VKORC1L1: variants seen among roughly 807,000 people sequenced by gnomAD.
The protein encoded by VKORC1L1 is vitamin K epoxide reductase complex subunit 1-like protein 1.
Under a neutral mutation model 18.9 loss-of-function variants are expected in VKORC1L1, and 2 were observed. That is an observed-to-expected ratio of 0.11 (90% CI 0.04 to 0.33). The LOEUF (loss-of-function observed/expected upper bound fraction) is 0.33. Among genes scored for constraint, VKORC1L1 ranks in the 10% least tolerant of loss-of-function variants. The probability of loss-of-function intolerance (pLI) is 1.00; values close to 1 mark genes in which losing one functional copy is unlikely to be tolerated. For synonymous variants in VKORC1L1, 96 were observed against 100.0 expected (o/e 0.96, Z 0.24); for missense variants, 123 against 224.1 (o/e 0.55, Z 2.88).
chr7:65,907,995 G>GATC (rs1789433904), intron 1 of VKORC1L1, among the ~76,000 whole-genome samples: 1 of 152,136 alleles, frequency 6.6e-6, no homozygotes, highest in Non-Finnish European at 1.5e-5. Context: ...AAACAAGCAA[G>GATC]CAGTGTGTCA....
rs189059176 is a variant in VKORC1L1, at chr7:65,884,252, T to A, written c.194+10687T>A. On this transcript the variant is annotated intron_variant, in intron 1 of 2. Transcript: ENST00000360768. ...GAAGTGTACCAGTACATGTAAATAG[T>A]CCTGGTGTCTGGCATAAAGGTACTC... Among the ~76,000 whole-genome samples the A allele has an allele frequency of 9.2e-5, 14 of 152,306 alleles. No homozygotes were observed. In the East Asian group the frequency reaches 2.3e-3, roughly 25 times the overall value.
chr7:65,873,381 C>T lies in VKORC1L1; in HGVS notation c.10C>T (p.Pro4Ser). Residue 4 changes from proline (P) to serine (S), a missense_variant, in exon 1 of 3, where the codon CCC becomes TCC. Physicochemically the swap from Pro to Ser is moderately conservative, Grantham distance 74. This residue lies in a region of VKORC1L1 where 60 missense variants were observed against 76.9 expected (regional missense o/e 0.78). Transcript: ENST00000360768. MAA[P>S]VLLRVSVPRW... The stretch of plus-strand genomic sequence containing the variant: ...CGGCGGCGGCGGGAAGATGGCGGCT[C>T]CCGTCCTGCTAAGAGTGTCGGTGCC... 1 of 1,524,712 alleles carries T rather than the reference C, an allele frequency of 6.6e-7. No homozygotes were observed. Among genetic ancestry groups the T allele is most frequent in the South Asian group, 1.2e-5 (1 of 85,710 alleles). The allele number at this position is 1,524,712 out of a possible 1,614,324, so 94.4% of individuals were successfully genotyped here.
intron 1 of VKORC1L1, 35 bp from the exon 2 acceptor site, chr7:65,948,636 C>G (rs1217427551): frequency 2.7e-6 from 2 of 751,034 alleles, no homozygotes; most frequent in Non-Finnish European, 4.1e-6. Flanking sequence ...TAGGGAAATT[C>G]AAATATAGGG....
chr7:65,872,712 AGGT>A (rs909626748), upstream of VKORC1L1, among the ~76,000 whole-genome samples: 2 of 152,146 alleles, frequency 1.3e-5, no homozygotes, highest in African/African-American at 2.4e-5. Context: ...GTCTAACCGA[AGGT>A]GGTGGTGGGA....
chr7:65,883,644 C>T (rs1788964947), intron 1 of VKORC1L1, among the ~76,000 whole-genome samples: 1 of 151,790 alleles, frequency 6.6e-6, no homozygotes, highest in Non-Finnish European at 1.5e-5. Context: ...GGATTACAGG[C>T]ACCTGCCACC....
At chr7:65,913,536 G>A (rs1789536756) in intron 1 of VKORC1L1, among the ~76,000 whole-genome samples, 1 of 151,894 alleles carries the variant, frequency 6.6e-6, no homozygotes, top group African/African-American at 2.4e-5. Flanking sequence ...GACCAGCCTG[G>A]CCAATGTGGT....
chr7:65,905,589 G>A (rs1789393499), intron 1 of VKORC1L1, among the ~76,000 whole-genome samples: 1 of 152,138 alleles, frequency 6.6e-6, no homozygotes, highest in South Asian at 2.1e-4. Context: ...GATTACAGGT[G>A]TGAGCCACTG....
intron 2 of VKORC1L1, among the ~76,000 whole-genome samples, chr7:65,950,790 G>A (rs1390154546): frequency 6.6e-6 from 1 of 152,208 alleles, no homozygotes; most frequent in African/African-American, 2.4e-5. Flanking sequence ...GGTATAATAG[G>A]TATAGGATAA....
chr7:65,871,745 T>C (rs954552729), upstream of VKORC1L1, among the ~76,000 whole-genome samples: 2 of 152,000 alleles, frequency 1.3e-5, no homozygotes, highest in African/African-American at 4.8e-5. Flanking sequence ...GGAAGTGAGT[T>C]TGAAAGAGGA....
intron 1 of VKORC1L1, among the ~76,000 whole-genome samples, chr7:65,920,129 C>T (rs1475558537): frequency 6.6e-6 from 1 of 152,050 alleles, no homozygotes; most frequent in South Asian, 2.1e-4. Flanking sequence ...GACTTGCTTT[C>T]TCACCTCAGC....
chr7:65,942,712 G>A (rs979008705), intron 1 of VKORC1L1, among the ~76,000 whole-genome samples: 6 of 151,840 alleles, frequency 4.0e-5, no homozygotes, highest in African/African-American at 1.4e-4. Flanking sequence ...TTTTAGTAGA[G>A]ACGGGGTTTC....
At position 65,899,936 on chromosome 7, in the gene VKORC1L1, G is replaced by T. The variant is rs545385448; in HGVS notation, c.194+26371G>T. ...AATCGCTTGAACTCAGGCGGCAGAG[G>T]TTGCAGTGACCCAAGATCACGCCAT... On this transcript the variant is annotated intron_variant, in intron 1 of 2. Transcript: ENST00000360768. 4.0e-5 allele frequency among the ~76,000 whole-genome samples: 6 copies of T among 150,482 alleles called. No homozygotes were observed. The East Asian group carries it at 1.2e-3, about 30-fold the overall frequency.
chr7:65,910,899 A>G (rs1789491904), intron 1 of VKORC1L1, among the ~76,000 whole-genome samples: 1 of 152,212 alleles, frequency 6.6e-6, no homozygotes. Flanking sequence ...AAAATGTAGT[A>G]TCTTTCAAAG....
At chr7:65,923,277 CTG>C (rs946532623) in intron 1 of VKORC1L1, among the ~76,000 whole-genome samples, 11 of 151,888 alleles carry the variant, frequency 7.2e-5, no homozygotes, top group Admixed American at 2.0e-4. Flanking sequence ...TGGTGCATGC[CTG>C]TAATTCCAGC....
intron 2 of VKORC1L1, among the ~76,000 whole-genome samples, chr7:65,952,801 T>TG (rs1790234508): frequency 3.7e-5 from 4 of 107,786 alleles, no homozygotes; most frequent in Non-Finnish European, 8.1e-5. Flanking sequence ...TTTTTTTTTT[T>TG]TGAGACAGAG....
intron 1 of VKORC1L1, among the ~76,000 whole-genome samples, chr7:65,896,982 C>T (rs1161259523): frequency 6.6e-6 from 1 of 152,066 alleles, no homozygotes; most frequent in Non-Finnish European, 1.5e-5. Flanking sequence ...CCAGCTGGGG[C>T]AACAGAGCAA....
At chr7:65,916,911 T>C (rs553804862) in intron 1 of VKORC1L1, among the ~76,000 whole-genome samples, 3 of 152,346 alleles carry the variant, frequency 2.0e-5, no homozygotes, top group African/African-American at 7.2e-5. Flanking sequence ...AATATCTTTT[T>C]TTAGGATAAC....
At chr7:65,919,640 C>T (rs1198113698) in intron 1 of VKORC1L1, among the ~76,000 whole-genome samples, 2 of 152,194 alleles carry the variant, frequency 1.3e-5, no homozygotes, top group East Asian at 3.8e-4. Context: ...CCACTGCGGT[C>T]ATCTTGTTCT....
intron 1 of VKORC1L1, among the ~76,000 whole-genome samples, chr7:65,902,707 G>A: frequency 6.6e-6 from 1 of 152,224 alleles, no homozygotes; most frequent in East Asian, 1.9e-4. Context: ...TCATCAAACT[G>A]TTGGCAACCC....
Sources: gnomAD v4.1 joint callset for allele counts (sites outside exome capture counted in the v4.1 genomes callset) on GRCh38, gnomAD v4.1.1 for gene constraint, gnomAD v4.1.1 regional missense constraint, MANE v1.5 for transcripts, NCBI Gene and HGNC (gene_info 2026-07-23, HGNC 2026-07-21) for gene names.